The following USH1C variants were observed in gnomAD, a reference collection of about 807,000 sequenced individuals.
The protein encoded by USH1C is harmonin.
In USH1C, 90 loss-of-function variants were observed where a neutral mutation model predicts 119.3. The ratio of observed to expected loss-of-function variants is 0.75; its 90% CI spans 0.64 to 0.90. The LOEUF (loss-of-function observed/expected upper bound fraction) is 0.90. USH1C is among the 40% of genes least tolerant of loss of function. The probability of loss-of-function intolerance (pLI) is 0.00; values close to 1 mark genes in which losing one functional copy is unlikely to be tolerated. For synonymous variants in USH1C, 465 were observed against 443.3 expected, an observed-to-expected ratio of 1.05 and a Z score of -0.62; for missense variants, 1,165 against 1,167.7, an observed-to-expected ratio of 1.00 and a Z score of 0.03.
chr11:17,543,339 C>T (rs2133969769), intron 1 of USH1C, among the ~76,000 whole-genome samples: 1 of 152,268 alleles, frequency 6.6e-6, no homozygotes, highest in Non-Finnish European at 1.5e-5. Context: ...CCTTGGGTCA[C>T]ACAGTTATCA....
intron 25 of USH1C, among the ~76,000 whole-genome samples, chr11:17,496,175 G>A (rs1340040041): frequency 3.9e-5 from 6 of 151,904 alleles, no homozygotes; most frequent in Non-Finnish European, 8.8e-5. Flanking sequence ...CAGGAAGGAA[G>A]GAAAGGGTGA....
chr11:17,510,265 G>T, intron 17 of USH1C, 140 bp downstream of exon 17: 1 of 709,688 alleles, frequency 1.4e-6, no homozygotes, highest in Non-Finnish European at 2.5e-6. Flanking sequence ...GGAGTGGGGT[G>T]GTAGGGGTGG....
chr11:17,531,012 T>A lies in USH1C; in HGVS notation c.387+142A>T. On this transcript the variant is annotated intron_variant, in intron 4 of 26. Transcript: ENST00000005226. This position sits in a 1 kb window ranked among gnomAD's most constrained non-coding sequence, Gnocchi z 4.2. ...ATTTCTATGAGCCTAAGAACACCCA[T>A]CAGGATGCGCCAGCCTCTTCTTCAC... is the stretch of plus-strand genomic sequence containing the variant. 1 of 1,321,602 alleles carries A rather than the reference T, an allele frequency of 7.6e-7. No homozygotes were observed. Among genetic ancestry groups the A allele is most frequent in the Admixed American group, 2.0e-5 (1 of 49,302 alleles). 81.9% of individuals were successfully genotyped at this position (1,321,602 alleles called of 1,614,324 possible).
In USH1C at chr11:17,512,070, A is replaced by G; in HGVS notation, c.1261-16T>C. 1.2e-6 allele frequency: 2 copies of G among 1,613,890 alleles called. No homozygotes were observed. Among genetic ancestry groups the G allele is most frequent in the African/African-American group, 2.7e-5 (2 of 74,996 alleles). ...CTTTTCCTTTCTGAGTAGATGTGGC[A>G]TTGTTTATATGACAAAGGTTAGAAA... is the stretch of plus-strand genomic sequence containing the variant. On this transcript the variant is annotated splice_polypyrimidine_tract_variant and intron_variant, in intron 15 of 26. Coordinates refer to ENST00000005226, the MANE Select transcript of USH1C (RefSeq NM_153676.4).
chr11:17,498,351 T>C (rs570828012), intron 23 of USH1C, 80 bp from the exon 24 acceptor site: 1 of 1,298,652 alleles, frequency 7.7e-7, no homozygotes, highest in Non-Finnish European at 1.1e-6. Flanking sequence ...AGGGGGGTCA[T>C]TGCCAGACAG....
Position 17,523,110 on chromosome 11 carries a change from G to A in USH1C, c.876+101C>T, listed in dbSNP as rs900065410. On this transcript the variant is annotated intron_variant, in intron 11 of 26. Coordinates refer to ENST00000005226, the MANE Select transcript of USH1C (RefSeq NM_153676.4). ...TCGCTCTGCTCTGTCAGAGCTTCAG[G>A]GAAGGAGACCAGCCACCCTGGGAGT... The A allele has an allele frequency of 8.8e-6, 14 of 1,593,146 alleles. No individual in the cohort carries two copies. The African/African-American group carries it at 1.3e-4, about 15-fold the overall frequency.
At chr11:17,503,449 G>A (rs548572214) in intron 20 of USH1C, among the ~76,000 whole-genome samples, 1 of 152,312 alleles carries the variant, frequency 6.6e-6, no homozygotes, top group African/African-American at 2.4e-5. Context: ...TAAAGAGGCA[G>A]CCCAACCCCT....
chr11:17,509,662 G>A lies in USH1C; in HGVS notation c.1707C>T (p.Pro569=), dbSNP rs1158415540. The change falls in exon 18 of 27, where the codon CCC becomes CCT. Residue 569 remains proline (P), a synonymous_variant. Coordinates refer to ENST00000005226, the MANE Select transcript of USH1C (RefSeq NM_153676.4). The stretch of plus-strand genomic sequence containing the variant: ...CCGGGACCTTGTGGGGTGGGTTGGA[G>A]GGTGGAGGGTGGGGCATCACAGGCA... ...SALPVMPHPP[P]SNPPHKVPAP... is the part of the protein sequence containing the mutation. The A allele has an allele frequency of 6.3e-7, 1 of 1,594,442 alleles. No individual in the cohort carries two copies. Among genetic ancestry groups the A allele is most frequent in the Non-Finnish European group, 8.5e-7 (1 of 1,176,500 alleles).
At chr11:17,500,955 C>A (rs1849413886) in intron 23 of USH1C, 96 bp downstream of exon 23, 5 of 999,990 alleles carry the variant, frequency 5.0e-6, no homozygotes, top group Non-Finnish European at 6.2e-6. Flanking sequence ...CAGCAACCGT[C>A]AGCCCACTCC....
chr11:17,500,991 G>A lies in USH1C; in HGVS notation c.2380+60C>T, dbSNP rs371715212. 1.0e-5 allele frequency: 15 copies of A among 1,460,092 alleles called. No homozygotes were observed. The African/African-American group carries it at 1.1e-4, about 11-fold the overall frequency. The allele number at this position is 1,460,092 out of a possible 1,614,324, so 90.4% of individuals were successfully genotyped here. A position where few individuals can be genotyped will look rare whatever the true frequency, so the allele number is the denominator to read the frequency against. ...AAGTGGTCACCTGTTTGCTTTCCGGGAGGGCCCCGTCTAACCACTGTATCA... is the reference window on the plus strand; with the variant it reads ...AAGTGGTCACCTGTTTGCTTTCCGGAAGGGCCCCGTCTAACCACTGTATCA... On this transcript the variant is annotated intron_variant, in intron 23 of 26. Transcript: ENST00000005226.
At chr11:17,536,144 G>T (rs61880350) in intron 1 of USH1C, among the ~76,000 whole-genome samples, 3,336 of 152,298 alleles carry the variant, frequency 0.022, 50 homozygotes, top group Non-Finnish European at 0.034. Context: ...CCCAAGTGTT[G>T]TACTTTCTAA....
Position 17,494,336 on chromosome 11 carries a change from C to CGGTGAATT in USH1C, c.2688_2695dup (p.Arg899GlnfsTer8), listed in dbSNP as rs1554952752. The CGGTGAATT allele has an allele frequency of 6.2e-7, 1 of 1,607,914 alleles. No homozygotes were observed. The highest frequency in any genetic ancestry group is 8.5e-7 in the Non-Finnish European group (1 of 1,177,076). ...GGGGCCGGAGCTCACTGTTTCCTAA[C>CGGTGAATT]GGTGAATTTGGTTTCCCCTTTTGGA... On this transcript the variant is annotated frameshift_variant, in exon 27 of 27. Transcript: ENST00000005226. LOFTEE classifies it high-confidence loss of function.
chr11:17,511,409 T>C (rs1007973759), intron 16 of USH1C, among the ~76,000 whole-genome samples: 5 of 152,068 alleles, frequency 3.3e-5, no homozygotes, highest in African/African-American at 9.7e-5. Flanking sequence ...GACAGGTCAG[T>C]GGAAGCCTAA....
intron 24 of USH1C, among the ~76,000 whole-genome samples, 187 bp downstream of exon 24, chr11:17,497,975 A>G (rs1849300747): frequency 6.6e-6 from 1 of 152,088 alleles, no homozygotes; most frequent in African/African-American, 2.4e-5. Context: ...ATTGACATCT[A>G]TTTTTCTGAA....
chr11:17,540,429 G>A (rs906826548), intron 1 of USH1C, among the ~76,000 whole-genome samples: 1 of 151,854 alleles, frequency 6.6e-6, no homozygotes, highest in African/African-American at 2.4e-5. Flanking sequence ...TCTGTCCTAG[G>A]TCTCCTCTCC....
At chr11:17,527,366 G>C in intron 4 of USH1C, 35 bp from the exon 5 acceptor site, 1 of 1,545,382 alleles carries the variant, frequency 6.5e-7, no homozygotes, top group Non-Finnish European at 8.9e-7. Flanking sequence ...GCACCAGGTG[G>C]AGGGAGCATC....
chr11:17,501,582 G>A, intron 21 of USH1C, 47 bp from the exon 22 acceptor site: 2 of 1,586,944 alleles, frequency 1.3e-6, no homozygotes, highest in Non-Finnish European at 1.7e-6. Flanking sequence ...CCTGAAGGAT[G>A]GCGCTTGGGG....
intron 1 of USH1C, among the ~76,000 whole-genome samples, chr11:17,536,887 A>G (rs1851251853): frequency 6.6e-6 from 1 of 152,364 alleles, no homozygotes; most frequent in African/African-American, 2.4e-5. Flanking sequence ...ATGCTCTTTA[A>G]ATATGAATCT....
intron 1 of USH1C, 60 bp downstream of exon 1, chr11:17,544,212 C>G: frequency 6.2e-7 from 1 of 1,610,470 alleles, no homozygotes. Context: ...TGTCCACCCC[C>G]TACCCACCGC....
Sources: allele counts gnomAD v4.1 joint callset (sites outside exome capture counted in the v4.1 genomes callset), GRCh38; gene constraint gnomAD v4.1.1; non-coding constraint Gnocchi (gnomAD v3.1); transcripts MANE v1.5; gene names NCBI Gene and HGNC (gene_info 2026-07-23, HGNC 2026-07-21).